Variants in PLA2R1 observed in about 807,000 individuals in gnomAD.
PLA2R1 encodes phospholipase A2 receptor 1.
In PLA2R1, 158 loss-of-function variants were observed where a neutral mutation model predicts 195.9. The ratio of observed to expected loss-of-function variants is 0.81; its 90% CI spans 0.71 to 0.92. PLA2R1 has a LOEUF of 0.92. Ranked by LOEUF, PLA2R1 falls within the 40% of genes least tolerant of loss-of-function variation. PLA2R1 has a pLI of 0.00. For missense variants in PLA2R1, 1,626 were observed against 1,764.6 expected (o/e 0.92, Z 1.41); for synonymous variants, 586 against 598.2 (o/e 0.98, Z 0.30).
rs200317353 is a variant in PLA2R1 at position 159,956,472 on chromosome 2, A to G, written c.3022+38T>C. On this transcript the variant is annotated intron_variant, in intron 21 of 29. Transcript: ENST00000283243. ...TATTTTAATAAATACTTGAATAAAA[A>G]TGGTTATCTTGGCCTGGTTGGATCT... 420 of 1,014,266 alleles carry G rather than the reference A, an allele frequency of 4.1e-4. 1 individual carries two copies. The highest frequency in any genetic ancestry group is 6.1e-4 in the Middle Eastern group (3 of 4,884). 62.8% of individuals were successfully genotyped at this position (1,014,266 alleles called of 1,614,324 possible). A position where few individuals can be genotyped will look rare whatever the true frequency, so the allele number is the denominator to read the frequency against.
chr2:159,964,365 T>C (rs760086513), intron 20 of PLA2R1, among the ~76,000 whole-genome samples: 1 of 152,178 alleles, frequency 6.6e-6, no homozygotes, highest in African/African-American at 2.4e-5. Context: ...CACTCAATAA[T>C]GGTTAAAATG....
At position 160,000,192 on chromosome 2, in the gene PLA2R1, T is replaced by C. The variant is rs555002627; in HGVS notation, c.1834+5460A>G. Among the ~76,000 whole-genome samples, 16 of 152,256 alleles carry C rather than the reference T, an allele frequency of 1.1e-4. No individual in the cohort carries two copies. The South Asian group carries it at 3.1e-3, about 30-fold the overall frequency. ...AAAAGTCTAACAGAAGAAACCTGCA[T>C]AAAATAGAATCCCAAATGGCCACTT... On this transcript the variant is annotated intron_variant, in intron 11 of 29. Transcript: ENST00000283243.
rs1686694458 is a variant in PLA2R1, at chr2:159,933,932, T to C, written c.*7846A>G. On this transcript the variant is annotated 3_prime_UTR_variant, in exon 30 of 30. Coordinates refer to ENST00000283243, the MANE Select transcript of PLA2R1 (RefSeq NM_007366.5). ...CTCTGTCATGGAAGCATGAAAGCAG[T>C]CATGCACAGTATGTGAGTGAATGGG... is the stretch of plus-strand genomic sequence containing the variant. 2 of 152,198 alleles carry C rather than the reference T, an allele frequency of 1.3e-5. No homozygotes were observed. The highest frequency in any genetic ancestry group is 1.3e-4 in the Admixed American group (2 of 15,282). The allele number at this position is 152,198 out of a possible 1,614,324, so 9.4% of individuals were successfully genotyped here.
chr2:159,928,811 C>A (rs542174313), downstream of PLA2R1, among the ~76,000 whole-genome samples: 1 of 152,246 alleles, frequency 6.6e-6, no homozygotes, highest in African/African-American at 2.4e-5. Context: ...GTCACATAGA[C>A]CAATGGAACA....
rs1693012668 is a variant in PLA2R1, at chr2:160,020,151, G to A, written c.1407C>T (p.His469=). The stretch of plus-strand genomic sequence containing the variant: ...ACAGCTGGCTTCTATTTGGAAAAAT[G>A]TGGGGCTCAAGTGTGTGCCAATTAG... ...IFTNWHTLEP[H]IFPNRSQLCV... The change falls in exon 8 of 30, where the codon CAC becomes CAT. Residue 469 remains histidine (H), a synonymous_variant. Transcript: ENST00000283243. 6.2e-7 allele frequency: 1 copy of A among 1,613,638 alleles called. No homozygotes were observed. Among genetic ancestry groups the A allele is most frequent in the African/African-American group, 1.3e-5 (1 of 74,922 alleles).
rs187065358 is a variant in PLA2R1 at position 160,052,189 on chromosome 2, C to A, written c.110-7032G>T. Among the ~76,000 whole-genome samples, 238 of 152,316 alleles carry A rather than the reference C, an allele frequency of 1.6e-3. 3 individuals carry two copies. In the South Asian group the frequency reaches 0.02, roughly 13 times the overall value. ...GCCTCTCCAAGTTTCATGAGGCACA[C>A]AATAGTCTTTCTCACATGAGGGAAA... On this transcript the variant is annotated intron_variant, in intron 1 of 29. Transcript: ENST00000283243.
At chr2:160,007,609 C>G (rs1692085788) in intron 10 of PLA2R1, among the ~76,000 whole-genome samples, 1 of 152,200 alleles carries the variant, frequency 6.6e-6, no homozygotes, top group Non-Finnish European at 1.5e-5. Flanking sequence ...GAAAATAACT[C>G]CACTTACAAT....
intron 6 of PLA2R1, among the ~76,000 whole-genome samples, chr2:160,024,765 T>C (rs949545446): frequency 2.0e-5 from 3 of 152,166 alleles, no homozygotes; most frequent in African/African-American, 7.2e-5. Flanking sequence ...CACAAACAGC[T>C]GTAGCACCTT....
rs77372375 is a variant in PLA2R1, at chr2:160,053,555, G to A, written c.110-8398C>T. Among the ~76,000 whole-genome samples the A allele has an allele frequency of 8.4e-3, 1,286 of 152,280 alleles. 25 individuals carry two copies. The highest frequency in any genetic ancestry group is 0.03 in the African/African-American group (1,226 of 41,546). On this transcript the variant is annotated intron_variant, in intron 1 of 29. Transcript: ENST00000283243. ...CTTAGAATACAGTACCTGGATTGAG[G>A]ATATGTGAGAGGTTCCCACTCAGCC...
intron 1 of PLA2R1, among the ~76,000 whole-genome samples, chr2:160,056,989 C>A: frequency 1.3e-5 from 2 of 152,162 alleles, no homozygotes; most frequent in African/African-American, 4.8e-5. Context: ...ATCCACAGCC[C>A]TGGATGAAGC....
At chr2:159,952,799 G>A (rs186424765) in intron 23 of PLA2R1, among the ~76,000 whole-genome samples, 21 of 152,174 alleles carry the variant, frequency 1.4e-4, no homozygotes, top group East Asian at 1.3e-3. Context: ...CTCCTCCTCC[G>A]GTCATACTCC....
chr2:159,948,268 T>A (rs1687510398), intron 25 of PLA2R1, among the ~76,000 whole-genome samples: 1 of 152,152 alleles, frequency 6.6e-6, no homozygotes, highest in African/African-American at 2.4e-5. Context: ...AAAGTCTCAC[T>A]CTGTCACCTA....
At chr2:160,041,460 G>T (rs1006666008) in intron 3 of PLA2R1, among the ~76,000 whole-genome samples, 3 of 151,886 alleles carry the variant, frequency 2.0e-5, no homozygotes, top group African/African-American at 7.2e-5. Context: ...ATCAAGTTAA[G>T]AAAAGAAAAA....
intron 24 of PLA2R1, among the ~76,000 whole-genome samples, chr2:159,950,963 C>A (rs1160580334): frequency 6.6e-6 from 1 of 152,162 alleles, no homozygotes; most frequent in African/African-American, 2.4e-5. Context: ...AGACAAGAAG[C>A]ATGATTCGTT....
At chr2:159,987,505 A>T (rs1469833475) in intron 11 of PLA2R1, 147 bp from the exon 12 acceptor site, 1 of 620,388 alleles carries the variant, frequency 1.6e-6, no homozygotes, top group Non-Finnish European at 2.9e-6. Context: ...TGTCTTATTG[A>T]CCTGATTATG....
chr2:160,030,708 A>G (rs1044218405), intron 4 of PLA2R1, among the ~76,000 whole-genome samples: 3 of 152,228 alleles, frequency 2.0e-5, no homozygotes, highest in Non-Finnish European at 4.4e-5. Context: ...CAGCTTAGAT[A>G]ATTCCTTGTA....
chr2:160,053,776 G>A (rs2715927), intron 1 of PLA2R1, among the ~76,000 whole-genome samples: 14,632 of 152,268 alleles, frequency 0.096, 1,983 homozygotes, highest in African/African-American at 0.3. Flanking sequence ...CTGAGAACCC[G>A]TCCCGGGAGG....
chr2:160,015,669 C>G (rs1033609503), intron 9 of PLA2R1, among the ~76,000 whole-genome samples: 1 of 152,142 alleles, frequency 6.6e-6, no homozygotes, highest in Non-Finnish European at 1.5e-5. Flanking sequence ...AATCAGAGAT[C>G]AGCTATAACT....
chr2:160,008,678 G>A (rs562655996), intron 10 of PLA2R1, among the ~76,000 whole-genome samples: 5 of 152,202 alleles, frequency 3.3e-5, no homozygotes, highest in South Asian at 4.2e-4. Flanking sequence ...CACAGGCAAC[G>A]GAATAAGAAA....
Sources: gnomAD v4.1 joint callset for allele counts (sites outside exome capture counted in the v4.1 genomes callset) on GRCh38, gnomAD v4.1.1 for gene constraint, MANE v1.5 for transcripts, NCBI Gene and HGNC (gene_info 2026-07-23, HGNC 2026-07-21) for gene names.